The following PAPPA2 variants were observed in gnomAD, a reference collection of about 807,000 sequenced individuals.
PAPPA2 encodes the protein pappalysin-2.
In PAPPA2, 86 loss-of-function variants were observed where a neutral mutation model predicts 176.4. The observed-to-expected ratio is 0.49, with a 90% CI of 0.41 to 0.58. PAPPA2 has a LOEUF of 0.58. Among genes scored for constraint, PAPPA2 ranks in the 20% least tolerant of loss-of-function variants. The pLI is 0.00. For missense variants in PAPPA2, 2,073 were observed against 2,256.9 expected (o/e 0.92, Z 1.65); for synonymous variants, 809 against 852.2 (o/e 0.95, Z 0.88).
chr1:176,719,210 AT>A (rs898599573), intron 12 of PAPPA2, among the ~76,000 whole-genome samples: 383 of 147,332 alleles, frequency 2.6e-3, no homozygotes, highest in South Asian at 5.3e-3. Flanking sequence ...TATCTAAAAG[AT>A]TTTTTTTTTT....
intron 21 of PAPPA2, among the ~76,000 whole-genome samples, chr1:176,832,540 A>G (rs1667117959): frequency 6.6e-6 from 1 of 152,054 alleles, no homozygotes; most frequent in African/African-American, 2.4e-5. Flanking sequence ...TTTAGTAGAG[A>G]CAGGGTTTCT....
chr1:176,627,659 C>T (rs1656106500), intron 3 of PAPPA2, among the ~76,000 whole-genome samples: 1 of 152,122 alleles, frequency 6.6e-6, no homozygotes, highest in Admixed American at 6.5e-5. Context: ...ACTCAAGATA[C>T]TCTTTGAGGG....
At position 176,771,038 on chromosome 1, in the gene PAPPA2, T is replaced by A. The variant is rs749847238; in HGVS notation, c.4573T>A (p.Cys1525Ser). Residue 1525 changes from cysteine (C) to serine (S), a missense_variant, in exon 17 of 23, where the codon TGT becomes AGT. This residue lies in a region of PAPPA2 where 846 missense variants were observed against 857.9 expected (regional missense o/e 0.99). Coordinates refer to ENST00000367662, the MANE Select transcript of PAPPA2 (RefSeq NM_020318.3). Reference sequence around the variant, plus strand: ...CCCTGAAGTCTACTGCAAGTTGGAGTGTGATGCTCCCCCTATTATTCTGAA... The same window carrying A: ...CCCTGAAGTCTACTGCAAGTTGGAGAGTGATGCTCCCCCTATTATTCTGAA... The part of the protein sequence containing the change: ...SLPEVYCKLE[C>S]DAPPIILNAN... 1 of 1,614,062 alleles carries A rather than the reference T, an allele frequency of 6.2e-7. No individual in the cohort carries two copies. Among genetic ancestry groups the A allele is most frequent in the East Asian group, 2.2e-5 (1 of 44,858 alleles).
intron 3 of PAPPA2, among the ~76,000 whole-genome samples, chr1:176,640,252 C>T (rs947873879): frequency 6.6e-6 from 1 of 150,786 alleles, no homozygotes; most frequent in East Asian, 2.0e-4. Context: ...GCAGGTTAGT[C>T]ACATATGTAT....
chr1:176,701,223 A>G (rs1482109532), intron 8 of PAPPA2, among the ~76,000 whole-genome samples: 2 of 152,202 alleles, frequency 1.3e-5, no homozygotes, highest in African/African-American at 2.4e-5. Context: ...GCTTCAGTTA[A>G]CACTCTGCCT....
intron 1 of PAPPA2, among the ~76,000 whole-genome samples, chr1:176,503,432 G>A (rs545688106): frequency 1.3e-5 from 2 of 152,052 alleles, no homozygotes; most frequent in Non-Finnish European, 2.9e-5. Context: ...TCCATAATTT[G>A]CCATGTAACA....
At chr1:176,511,766 C>T (rs565451658) in intron 1 of PAPPA2, among the ~76,000 whole-genome samples, 4 of 152,046 alleles carry the variant, frequency 2.6e-5, no homozygotes, top group South Asian at 2.1e-4. Flanking sequence ...CCAATTTTTC[C>T]GGGCTTCTGA....
chr1:176,732,816 T>C (rs1225574610), intron 12 of PAPPA2, among the ~76,000 whole-genome samples: 1 of 152,164 alleles, frequency 6.6e-6, no homozygotes, highest in African/African-American at 2.4e-5. Flanking sequence ...TTGTCTCCAA[T>C]TCATTAAGTG....
chr1:176,505,941 G>A (rs1417137922), intron 1 of PAPPA2, among the ~76,000 whole-genome samples: 2 of 152,030 alleles, frequency 1.3e-5, no homozygotes, highest in African/African-American at 2.4e-5. Flanking sequence ...GCTCACAAAA[G>A]GCTGGAAGAT....
rs1667536159 is a variant in PAPPA2 at position 176,842,813 on chromosome 1, C to T, written c.*359C>T. On this transcript the variant is annotated 3_prime_UTR_variant, in exon 23 of 23. Transcript: ENST00000367662. ...CCCCCTGCCAACTACTCAGTCCCAC[C>T]CAACTTGTAAACCAATACCAAAATA... 1 of 186,566 alleles carries T rather than the reference C, an allele frequency of 5.4e-6. No homozygotes were observed. The highest frequency in any genetic ancestry group is 1.1e-5 in the Non-Finnish European group (1 of 89,986). 11.6% of individuals were successfully genotyped at this position (186,566 alleles called of 1,614,324 possible). A position where few individuals can be genotyped will look rare whatever the true frequency, so the allele number is the denominator to read the frequency against.
intron 11 of PAPPA2, 80 bp downstream of exon 11, chr1:176,710,256 T>C: frequency 1.1e-5 from 14 of 1,259,686 alleles, no homozygotes; most frequent in Non-Finnish European, 1.6e-5. Context: ...TTGGGGTCTA[T>C]GTTTGGATAA....
At chr1:176,497,863 A>G (rs188641075) in intron 1 of PAPPA2, among the ~76,000 whole-genome samples, 174 of 152,274 alleles carry the variant, frequency 1.1e-3, no homozygotes, top group Non-Finnish European at 2.2e-3. Context: ...TCTGAATCCT[A>G]TAGGCAATTA....
chr1:176,638,461 T>G (rs1316017849), intron 3 of PAPPA2, among the ~76,000 whole-genome samples: 1 of 152,082 alleles, frequency 6.6e-6, no homozygotes, highest in Non-Finnish European at 1.5e-5. Flanking sequence ...TAGCCAGCGT[T>G]TTCATTGGCA....
chr1:176,660,851 C>T (rs1658321806), intron 3 of PAPPA2, among the ~76,000 whole-genome samples: 1 of 152,118 alleles, frequency 6.6e-6, no homozygotes, highest in Admixed American at 6.6e-5. Context: ...TTTAATAATG[C>T]ATTGAAAATA....
rs568558371 is a variant in PAPPA2, at chr1:176,574,394, T to A, written c.919+17153T>A. 7.9e-5 allele frequency among the ~76,000 whole-genome samples: 12 copies of A among 152,342 alleles called. No individual in the cohort carries two copies. The East Asian group carries it at 2.3e-3, about 29-fold the overall frequency. ...AGGATTTCTCTATGTTGCTGGAGAC[T>A]GTACAGCTATTAAGTTTGGTTTATC... is the stretch of plus-strand genomic sequence containing the variant. On this transcript the variant is annotated intron_variant, in intron 2 of 22. Coordinates refer to ENST00000367662, the MANE Select transcript of PAPPA2 (RefSeq NM_020318.3).
At chr1:176,814,325 T>A (rs1666292141) in intron 21 of PAPPA2, among the ~76,000 whole-genome samples, 2 of 152,188 alleles carry the variant, frequency 1.3e-5, no homozygotes, top group African/African-American at 4.8e-5. Context: ...GTGAAGAATG[T>A]CAATGGTAGT....
At chr1:176,522,611 G>C (rs556763407) in intron 1 of PAPPA2, among the ~76,000 whole-genome samples, 1 of 152,300 alleles carries the variant, frequency 6.6e-6, no homozygotes, top group South Asian at 2.1e-4. Flanking sequence ...GCAGTTTCCT[G>C]CAAGGGTGCC....
intron 12 of PAPPA2, among the ~76,000 whole-genome samples, chr1:176,734,004 C>G (rs1331899241): frequency 6.6e-6 from 1 of 152,162 alleles, no homozygotes; most frequent in Non-Finnish European, 1.5e-5. Context: ...AATGGCATGT[C>G]CTTGTATAGA....
chr1:176,727,149 A>C (rs541635977), intron 12 of PAPPA2, among the ~76,000 whole-genome samples: 83 of 152,338 alleles, frequency 5.4e-4, no homozygotes, highest in Non-Finnish European at 1.1e-3. Context: ...AGGCAGGAAA[A>C]GAGGAACTAA....
Sources: allele counts gnomAD v4.1 joint callset (sites outside exome capture counted in the v4.1 genomes callset), GRCh38; gene constraint gnomAD v4.1.1; regional missense constraint gnomAD v4.1.1; transcripts MANE v1.5; gene names NCBI Gene and HGNC (gene_info 2026-07-23, HGNC 2026-07-21).